NKAIN2: variants seen among roughly 807,000 people sequenced by gnomAD.
The protein encoded by NKAIN2 is sodium/potassium transporting ATPase interacting 2, also known as sodium/potassium-transporting ATPase subunit beta-1-interacting protein 2.
NKAIN2 carries 14 observed loss-of-function variants against 32.6 expected under a neutral mutation model. That is an observed-to-expected ratio of 0.43 (90% CI 0.28 to 0.67). The LOEUF (loss-of-function observed/expected upper bound fraction) is 0.67, where lower values mean the gene tolerates loss of function less well. NKAIN2 is among the 30% of genes least tolerant of loss of function. NKAIN2 has a pLI of 0.17. For missense variants in NKAIN2, 198 were observed against 258.3 expected, an observed-to-expected ratio of 0.77 and a Z score of 1.60; for synonymous variants, 80 against 87.2, an observed-to-expected ratio of 0.92 and a Z score of 0.46.
chr6:124,318,237 C>T (rs1310448102), intron 2 of NKAIN2, among the ~76,000 whole-genome samples: 1 of 151,878 alleles, frequency 6.6e-6, no homozygotes, highest in East Asian at 1.9e-4. Flanking sequence ...TGATGTTTTG[C>T]TATTTTAGTC....
intron 3 of NKAIN2, among the ~76,000 whole-genome samples, chr6:124,599,017 C>CT (rs1415218513): frequency 3.4e-5 from 4 of 116,252 alleles, no homozygotes; most frequent in African/African-American, 1.5e-4. Flanking sequence ...GTACACAAAT[C>CT]TATTTTTTTT....
chr6:124,539,960 A>G lies in NKAIN2; in HGVS notation c.274-118226A>G, dbSNP rs1447376613. On this transcript the variant is annotated intron_variant, in intron 3 of 6. Transcript: ENST00000368417. ...GGTCTCGAACTCCTGAGCTCAGGCA[A>G]TCTGCCCACCTCGGCCTCCCAAAGT... is the stretch of plus-strand genomic sequence containing the variant. 2.0e-5 allele frequency among the ~76,000 whole-genome samples: 3 copies of G among 152,138 alleles called. No homozygotes were observed. In the East Asian group the frequency reaches 5.8e-4, roughly 29 times the overall value.
At chr6:124,177,605 G>A (rs1582796863) in intron 1 of NKAIN2, among the ~76,000 whole-genome samples, 1 of 152,216 alleles carries the variant, frequency 6.6e-6, no homozygotes, top group East Asian at 1.9e-4. Flanking sequence ...TGTGTTTTAC[G>A]TACATTGTTA....
chr6:124,312,058 T>C (rs541498596), intron 2 of NKAIN2, among the ~76,000 whole-genome samples: 2 of 152,120 alleles, frequency 1.3e-5, no homozygotes, highest in Non-Finnish European at 2.9e-5. Flanking sequence ...AGAAAACCTA[T>C]GCAAACATAA....
chr6:124,792,747 A>G (rs1779803308), intron 5 of NKAIN2, among the ~76,000 whole-genome samples: 1 of 152,090 alleles, frequency 6.6e-6, no homozygotes, highest in Admixed American at 6.6e-5. Flanking sequence ...CCCAGGCAAA[A>G]GGTGAAAAAG....
intron 1 of NKAIN2, among the ~76,000 whole-genome samples, chr6:124,156,567 A>G (rs1318250540): frequency 6.6e-6 from 1 of 152,164 alleles, no homozygotes; most frequent in Non-Finnish European, 1.5e-5. Context: ...TCTGAAACAT[A>G]GAGTGGGAGG....
In NKAIN2 at chr6:124,253,087, G is replaced by A. The variant is rs183821931; in HGVS notation, c.55-29918G>A. Among the ~76,000 whole-genome samples, 56 of 152,118 alleles carry A rather than the reference G, an allele frequency of 3.7e-4. 2 individuals carry two copies. In the South Asian group the frequency reaches 8.7e-3, roughly 24 times the overall value. ...CACTGAATATATAGAATGACATGGCGGAGAATTGATATTTTTACAATATTG... is the reference window on the plus strand; with the variant it reads ...CACTGAATATATAGAATGACATGGCAGAGAATTGATATTTTTACAATATTG... On this transcript the variant is annotated intron_variant, in intron 1 of 6. Transcript: ENST00000368417.
At chr6:124,028,927 A>C (rs569404546) in intron 1 of NKAIN2, among the ~76,000 whole-genome samples, 3 of 114,622 alleles carry the variant, frequency 2.6e-5, no homozygotes, top group African/African-American at 2.0e-4. Context: ...ATATATGTGT[A>C]TATATATATA....
At chr6:124,453,785 C>T (rs1160503083) in intron 3 of NKAIN2, among the ~76,000 whole-genome samples, 2 of 151,900 alleles carry the variant, frequency 1.3e-5, no homozygotes, top group African/African-American at 4.8e-5. Context: ...ATAGATTTGC[C>T]TCATCCACAG....
chr6:124,462,422 T>C (rs1431369454), intron 3 of NKAIN2, among the ~76,000 whole-genome samples: 4 of 151,978 alleles, frequency 2.6e-5, no homozygotes, highest in African/African-American at 4.8e-5. Flanking sequence ...TATTTGAGAA[T>C]ATAAACCTCT....
At chr6:123,967,004 C>G (rs1217676491) in intron 1 of NKAIN2, among the ~76,000 whole-genome samples, 1 of 152,178 alleles carries the variant, frequency 6.6e-6, no homozygotes, top group Non-Finnish European at 1.5e-5. Flanking sequence ...AAAACAACCT[C>G]CTGGGGTTTC....
chr6:124,211,568 C>G (rs1791177648), intron 1 of NKAIN2, among the ~76,000 whole-genome samples: 1 of 151,886 alleles, frequency 6.6e-6, no homozygotes, highest in African/African-American at 2.4e-5. Context: ...TCTGTTAGAT[C>G]TTGGAAATGT....
intron 1 of NKAIN2, among the ~76,000 whole-genome samples, chr6:124,184,849 C>T (rs1030428596): frequency 2.6e-5 from 4 of 151,922 alleles, no homozygotes; most frequent in African/African-American, 7.3e-5. Context: ...TTTTTTTCAG[C>T]AACTGTTAAC....
intron 1 of NKAIN2, among the ~76,000 whole-genome samples, chr6:123,838,665 C>T (rs1774731511): frequency 6.6e-6 from 1 of 152,136 alleles, no homozygotes; most frequent in Non-Finnish European, 1.5e-5. Flanking sequence ...TACAGACACG[C>T]ATAAAGTAAA....
intron 4 of NKAIN2, among the ~76,000 whole-genome samples, chr6:124,721,959 A>G (rs1350599232): frequency 6.6e-6 from 1 of 152,222 alleles, no homozygotes; most frequent in Non-Finnish European, 1.5e-5. Context: ...TTCTATGCCC[A>G]TAAAATAACA....
chr6:124,218,787 C>A (rs570208230), intron 1 of NKAIN2, among the ~76,000 whole-genome samples: 60 of 152,130 alleles, frequency 3.9e-4, no homozygotes, highest in Admixed American at 6.5e-4. Flanking sequence ...ACTAGTAGAC[C>A]AAGTGTAACT....
At chr6:124,387,496 T>C (rs1772956658) in intron 3 of NKAIN2, among the ~76,000 whole-genome samples, 1 of 152,090 alleles carries the variant, frequency 6.6e-6, no homozygotes, top group Admixed American at 6.6e-5. Context: ...TCCTCTTATC[T>C]ATCATTTTAT....
intron 1 of NKAIN2, among the ~76,000 whole-genome samples, chr6:123,981,227 G>T (rs1421579606): frequency 6.6e-6 from 1 of 152,132 alleles, no homozygotes; most frequent in African/African-American, 2.4e-5. Flanking sequence ...ACAAGGAGTA[G>T]TTGCTACATG....
intron 1 of NKAIN2, among the ~76,000 whole-genome samples, chr6:124,132,001 G>T (rs1164104653): frequency 6.6e-6 from 1 of 152,156 alleles, no homozygotes; most frequent in African/African-American, 2.4e-5. Flanking sequence ...TCTCAGAAGG[G>T]AAGCTTATGG....
Sources: allele counts gnomAD v4.1 joint callset (sites outside exome capture counted in the v4.1 genomes callset), GRCh38; gene constraint gnomAD v4.1.1; transcripts MANE v1.5; gene names NCBI Gene and HGNC (gene_info 2026-07-23, HGNC 2026-07-21).